The following SEMA6D variants were observed in gnomAD, a reference collection of about 807,000 sequenced individuals.
The protein encoded by SEMA6D is semaphorin 6D.
In SEMA6D, 35 loss-of-function variants were observed where a neutral mutation model predicts 106.6. That is an observed-to-expected ratio of 0.33 (90% CI 0.25 to 0.44). The LOEUF (loss-of-function observed/expected upper bound fraction) is 0.44, where lower values mean the gene tolerates loss of function less well. Among genes scored for constraint, SEMA6D ranks in the 20% least tolerant of loss-of-function variants. SEMA6D has a pLI of 1.00. For synonymous variants in SEMA6D, 499 were observed against 487.7 expected, an observed-to-expected ratio of 1.02 and a Z score of -0.31; for missense variants, 1,185 against 1,345.9, an observed-to-expected ratio of 0.88 and a Z score of 1.87.
chr15:47,285,456 C>A (rs2035316678), intron 1 of SEMA6D, among the ~76,000 whole-genome samples: 1 of 150,002 alleles, frequency 6.7e-6, no homozygotes, highest in African/African-American at 2.4e-5. Context: ...TACAAGAAAA[C>A]AATTTGAAGA....
At chr15:47,571,141 A>G (rs919102153) in intron 3 of SEMA6D, among the ~76,000 whole-genome samples, 1 of 151,810 alleles carries the variant, frequency 6.6e-6, no homozygotes, top group African/African-American at 2.4e-5. Context: ...GTTCACTGTG[A>G]CTTTTTTTTT....
intron 4 of SEMA6D, among the ~76,000 whole-genome samples, chr15:47,635,050 C>T (rs1477360013): frequency 6.6e-6 from 1 of 152,166 alleles, no homozygotes; most frequent in Non-Finnish European, 1.5e-5. Context: ...CTTCAGCTCC[C>T]TGTGAAGAAT....
intron 4 of SEMA6D, among the ~76,000 whole-genome samples, chr15:47,691,849 TA>T (rs5812407): frequency 0.59 from 84,845 of 144,402 alleles, 24,665 homozygotes; most frequent in Non-Finnish European, 0.66. Flanking sequence ...GAAAAGACAG[TA>T]AAAAAAAAAA....
At chr15:47,490,472 T>C (rs1030947612) in intron 3 of SEMA6D, among the ~76,000 whole-genome samples, 3 of 152,028 alleles carry the variant, frequency 2.0e-5, no homozygotes, top group Non-Finnish European at 4.4e-5. Flanking sequence ...GGTGAGACCC[T>C]GTCTCTACTA....
At chr15:47,390,695 A>G (rs996203545) in intron 1 of SEMA6D, among the ~76,000 whole-genome samples, 2 of 152,182 alleles carry the variant, frequency 1.3e-5, no homozygotes, top group Non-Finnish European at 1.5e-5. Context: ...TTTAACTTAA[A>G]TATCGATTCC....
At chr15:47,318,791 G>A (rs1421296914) in intron 1 of SEMA6D, among the ~76,000 whole-genome samples, 1 of 145,700 alleles carries the variant, frequency 6.9e-6, no homozygotes, top group South Asian at 2.4e-4. Context: ...CCAGTAATGG[G>A]ATGGCTGGGT....
intron 1 of SEMA6D, among the ~76,000 whole-genome samples, chr15:47,200,039 A>G (rs1894620274): frequency 6.6e-6 from 1 of 152,174 alleles, no homozygotes; most frequent in Non-Finnish European, 1.5e-5. Flanking sequence ...CTCAGAGAAC[A>G]CACTTTTATG....
chr15:47,452,758 T>A (rs1278959894), intron 2 of SEMA6D, among the ~76,000 whole-genome samples: 4 of 151,988 alleles, frequency 2.6e-5, no homozygotes, highest in Non-Finnish European at 5.9e-5. Flanking sequence ...TTGGCACATT[T>A]TGGAGATCTT....
At chr15:47,333,298 A>T (rs1001370137) in intron 1 of SEMA6D, among the ~76,000 whole-genome samples, 4 of 152,186 alleles carry the variant, frequency 2.6e-5, no homozygotes, top group African/African-American at 7.2e-5. Context: ...TGAAGTGTAT[A>T]TCATAATGTA....
intron 3 of SEMA6D, among the ~76,000 whole-genome samples, chr15:47,516,792 G>A (rs1021290144): frequency 2.6e-5 from 4 of 152,192 alleles, no homozygotes; most frequent in African/African-American, 9.6e-5. Flanking sequence ...TAATTACCAA[G>A]TGCCAAAATA....
intron 3 of SEMA6D, among the ~76,000 whole-genome samples, chr15:47,567,734 C>T (rs948598032): frequency 6.6e-6 from 1 of 152,062 alleles, no homozygotes; most frequent in African/African-American, 2.4e-5. Context: ...GTTTGTCTTC[C>T]CGCACTGAAG....
chr15:47,506,599 A>ACACACACAC lies in SEMA6D; in HGVS notation c.-87+36054_-87+36055insCACACACAC, dbSNP rs1555382656. On this transcript the variant is annotated intron_variant, in intron 3 of 19. Coordinates refer to the SEMA6D transcript ENST00000558014. The stretch of plus-strand genomic sequence containing the variant: ...CTACATGGGCATTTACACACACACA[A>ACACACACAC]ACACACACACACACACACACACACA... Among the ~76,000 whole-genome samples, 761 of 137,868 alleles carry ACACACACAC rather than the reference A, an allele frequency of 5.5e-3. 14 individuals are homozygous for ACACACACAC. Among genetic ancestry groups the ACACACACAC allele is most frequent in the Admixed American group, 0.027 (375 of 14,138 alleles). 90.4% of individuals were successfully genotyped at this position (137,868 alleles called of 152,430 possible).
intron 3 of SEMA6D, among the ~76,000 whole-genome samples, chr15:47,489,532 G>A (rs1185697959): frequency 4.6e-5 from 7 of 152,134 alleles, no homozygotes; most frequent in African/African-American, 1.4e-4. Flanking sequence ...ATCCCTATGC[G>A]TTTGTCAGCT....
chr15:47,475,162 G>A (rs560990848), intron 3 of SEMA6D, among the ~76,000 whole-genome samples: 16 of 152,044 alleles, frequency 1.1e-4, no homozygotes, highest in Non-Finnish European at 1.9e-4. Flanking sequence ...GTTAATTTTT[G>A]CTGAAAAAAG....
intron 1 of SEMA6D, among the ~76,000 whole-genome samples, chr15:47,198,479 T>C (rs1270427560): frequency 6.6e-6 from 1 of 152,146 alleles, no homozygotes; most frequent in Non-Finnish European, 1.5e-5. Context: ...ATGGATCCCA[T>C]TGTGTCTAGG....
rs1170617364 is a variant in SEMA6D, at chr15:47,552,864, ATT to A, written c.-86-47997_-86-47996del. 1.1e-3 allele frequency among the ~76,000 whole-genome samples: 72 copies of A among 64,602 alleles called. No individual in the cohort carries two copies. The East Asian group carries it at 0.013, about 12-fold the overall frequency. 42.4% of individuals were successfully genotyped at this position (64,602 alleles called of 152,430 possible). ...TATAAATATATATAAATATATATAT[ATT>A]TTTATATATATATAAATATATATAA... is the stretch of plus-strand genomic sequence containing the variant. On this transcript the variant is annotated intron_variant, in intron 3 of 19. Coordinates refer to the SEMA6D transcript ENST00000558014.
rs115851873 is a variant in SEMA6D, at chr15:47,452,341, C to T, written c.-158-18133C>T. On this transcript the variant is annotated intron_variant, in intron 2 of 19. Transcript: ENST00000558014. ...CAACCAAAAAAAAAAAAAAACTGGA[C>T]TCAAAGTCACACGACTTGTGTTCAA... 8.6e-3 allele frequency among the ~76,000 whole-genome samples: 1,296 copies of T among 150,494 alleles called. 11 individuals carry two copies. Among genetic ancestry groups the T allele is most frequent in the African/African-American group, 0.03 (1,218 of 41,106 alleles).
intron 3 of SEMA6D, among the ~76,000 whole-genome samples, chr15:47,553,926 G>A (rs1430001013): frequency 1.3e-5 from 2 of 152,150 alleles, no homozygotes; most frequent in African/African-American, 4.8e-5. Flanking sequence ...TCTGCTCTTA[G>A]CAACTCATTT....
intron 1 of SEMA6D, among the ~76,000 whole-genome samples, chr15:47,185,235 AT>A (rs1247968958): frequency 2.0e-5 from 3 of 152,210 alleles, no homozygotes; most frequent in African/African-American, 7.2e-5. Flanking sequence ...AGGCTTGCCC[AT>A]TTTAGAAACC....
Sources: allele counts gnomAD v4.1 joint callset (sites outside exome capture counted in the v4.1 genomes callset), GRCh38; gene constraint gnomAD v4.1.1; transcripts MANE v1.5; gene names NCBI Gene and HGNC (gene_info 2026-07-23, HGNC 2026-07-21).